MLF1: variants seen among roughly 807,000 people sequenced by gnomAD.
MLF1 encodes the protein myelodysplasia-myeloid leukemia factor 1.
Under a neutral mutation model 38.3 loss-of-function variants are expected in MLF1, and 37 were observed. The ratio of observed to expected loss-of-function variants is 0.96; its 90% confidence interval spans 0.74 to 1.27. The LOEUF (loss-of-function observed/expected upper bound fraction) is 1.27, where lower values mean the gene tolerates loss of function less well. Among genes scored for constraint, MLF1 ranks in the 50% most tolerant of loss-of-function variants. MLF1 has a pLI of 0.00. For missense variants in MLF1, 331 were observed against 349.2 expected (o/e 0.95, Z 0.42); for synonymous variants, 95 against 106.5 (o/e 0.89, Z 0.66).
chr3:158,604,642 T>G (rs7612520), intron 7 of MLF1, among the ~76,000 whole-genome samples: 52,452 of 151,864 alleles, frequency 0.35, 9,301 homozygotes, highest in Non-Finnish European at 0.38. Flanking sequence ...TATTTTCTGG[T>G]TTTTTTTGTT....
In MLF1 at chr3:158,602,816, A is replaced by G. The variant is rs1719991964; in HGVS notation, c.623A>G (p.His208Arg). 1.2e-6 allele frequency: 2 copies of G among 1,613,344 alleles called. No homozygotes were observed. The highest frequency in any genetic ancestry group is 1.3e-5 in the African/African-American group (1 of 75,010). The change falls in exon 7 of 8, where the codon CAT becomes CGT. Residue 208 changes from histidine to arginine, a missense_variant. Transcript: ENST00000466246. ...TTTCTGTTTGACATAGGTGATGCTC[A>G]TGCTTTTGATGAGGAGTGGCAAAGT... ...EFINMNESDA[H>R]AFDEEWQSEV...
chr3:158,585,940 T>G (rs1560101641), intron 1 of MLF1, among the ~76,000 whole-genome samples: 1 of 152,140 alleles, frequency 6.6e-6, no homozygotes, highest in African/African-American at 2.4e-5. Context: ...GGTGGATGGA[T>G]TGCCTGAGGT....
At chr3:158,574,710 T>C (rs1378890532) in intron 1 of MLF1, among the ~76,000 whole-genome samples, 1 of 151,156 alleles carries the variant, frequency 6.6e-6, no homozygotes, top group Non-Finnish European at 1.5e-5. Flanking sequence ...AAAGAATATT[T>C]AGCCAGAGAA....
intron 6 of MLF1, among the ~76,000 whole-genome samples, chr3:158,601,024 T>C (rs938473465): frequency 4.6e-5 from 7 of 151,848 alleles, no homozygotes; most frequent in African/African-American, 1.7e-4. Context: ...TTTAATTGTA[T>C]TAATTCAATA....
At chr3:158,596,281 C>A (rs1648900783) in intron 3 of MLF1, among the ~76,000 whole-genome samples, 1 of 152,034 alleles carries the variant, frequency 6.6e-6, no homozygotes, top group Non-Finnish European at 1.5e-5. Context: ...AGGGTATAGC[C>A]TACTGACCCT....
chr3:158,588,015 TAATTA>T (rs1444074124), intron 1 of MLF1, among the ~76,000 whole-genome samples: 4 of 151,920 alleles, frequency 2.6e-5, no homozygotes, highest in Non-Finnish European at 5.9e-5. Flanking sequence ...ATAAATAAAT[TAATTA>T]AATTAAAGAG....
intron 1 of MLF1, among the ~76,000 whole-genome samples, chr3:158,587,658 G>A (rs6779054): frequency 0.23 from 35,152 of 152,174 alleles, 5,497 homozygotes; most frequent in African/African-American, 0.45. Context: ...CTAATAAACA[G>A]AATACAAAAG....
At chr3:158,601,276 T>C (rs1719704443) in intron 6 of MLF1, among the ~76,000 whole-genome samples, 1 of 151,398 alleles carries the variant, frequency 6.6e-6, no homozygotes, top group South Asian at 2.1e-4. Context: ...CTACTAAAAA[T>C]ACAAAAATCA....
chr3:158,589,843 G>C (rs371197920), intron 1 of MLF1, among the ~76,000 whole-genome samples: 1 of 152,036 alleles, frequency 6.6e-6, no homozygotes, highest in Admixed American at 6.6e-5. Flanking sequence ...CTTTTCTAGC[G>C]TCTAGATACT....
intron 1 of MLF1, among the ~76,000 whole-genome samples, chr3:158,587,204 T>C (rs1717364928): frequency 6.6e-6 from 1 of 152,244 alleles, no homozygotes; most frequent in Non-Finnish European, 1.5e-5. Context: ...TCTAGTGATT[T>C]TTTAAGGATG....
intron 1 of MLF1, chr3:158,588,945 T>C (rs1213262273): frequency 6.6e-6 from 3 of 454,276 alleles, no homozygotes; most frequent in South Asian, 4.7e-5. Flanking sequence ...TGTACTAAAA[T>C]ACTTGGGCCA....
chr3:158,592,807 T>C (rs1283193116), intron 2 of MLF1, among the ~76,000 whole-genome samples: 1 of 152,166 alleles, frequency 6.6e-6, no homozygotes, highest in African/African-American at 2.4e-5. Context: ...CATAGAAGCA[T>C]ATATTAGAAG....
At chr3:158,571,499 G>A (rs1297329479) in intron 1 of MLF1, 152 bp downstream of exon 1, 19 of 870,310 alleles carry the variant, frequency 2.2e-5, no homozygotes, top group Non-Finnish European at 3.3e-5. Flanking sequence ...TGGAGGCCTG[G>A]GAGGGAAGAG....
chr3:158,593,674 A>G (rs934375311), intron 3 of MLF1, among the ~76,000 whole-genome samples: 3 of 152,224 alleles, frequency 2.0e-5, no homozygotes, highest in African/African-American at 7.2e-5. Context: ...TTATTGAATG[A>G]ATATTTGCTT....
intron 1 of MLF1, among the ~76,000 whole-genome samples, chr3:158,592,117 T>C (rs9872682): frequency 0.23 from 35,065 of 152,062 alleles, 5,458 homozygotes; most frequent in African/African-American, 0.45. Flanking sequence ...ATGTAATTTA[T>C]TGAATACTAT....
chr3:158,592,314 C>A, intron 1 of MLF1, 120 bp from the exon 2 acceptor site: 1 of 761,034 alleles, frequency 1.3e-6, no homozygotes, highest in Non-Finnish European at 2.0e-6. Context: ...GAGTTCTCTT[C>A]TACTCTTCTT....
chr3:158,578,500 AT>A (rs1352845291), intron 1 of MLF1, among the ~76,000 whole-genome samples: 9 of 150,088 alleles, frequency 6.0e-5, no homozygotes, highest in African/African-American at 2.3e-4. Context: ...ACATACATAC[AT>A]ACAAACACAC....
chr3:158,588,578 G>GC (rs1717623253), intron 1 of MLF1, among the ~76,000 whole-genome samples: 1 of 144,146 alleles, frequency 6.9e-6, no homozygotes, highest in Non-Finnish European at 1.5e-5. Context: ...TCCAGCCTGG[G>GC]CAAGAGAGCG....
chr3:158,604,552 AAC>A (rs1720246413), intron 7 of MLF1, among the ~76,000 whole-genome samples: 2 of 152,346 alleles, frequency 1.3e-5, no homozygotes, highest in South Asian at 4.1e-4. Flanking sequence ...GTTAACATTA[AAC>A]AGTGTTTAAA....
Sources: gnomAD v4.1 joint callset for allele counts (sites outside exome capture counted in the v4.1 genomes callset) on GRCh38, gnomAD v4.1.1 for gene constraint, MANE v1.5 for transcripts, NCBI Gene and HGNC (gene_info 2026-07-23, HGNC 2026-07-21) for gene names.